Variants in RIPPLY2 observed in about 807,000 individuals in gnomAD.
RIPPLY2 encodes the protein ripply transcriptional repressor 2.
Under a neutral mutation model 17.7 loss-of-function variants are expected in RIPPLY2, and 20 were observed. That is an observed-to-expected ratio of 1.13 (90% CI 0.79 to 1.64). RIPPLY2 has a LOEUF of 1.64. Among genes scored for constraint, RIPPLY2 ranks in the 40% most tolerant of loss-of-function variants. RIPPLY2 has a pLI of 0.00. For missense variants in RIPPLY2, 213 were observed against 169.8 expected (o/e 1.25, Z -1.41); for synonymous variants, 69 against 63.9 (o/e 1.08, Z -0.38).
chr6:83,854,027 T>A, intron 2 of RIPPLY2, 70 bp from the exon 3 acceptor site: 1 of 1,431,118 alleles, frequency 7.0e-7, no homozygotes, highest in Non-Finnish European at 9.9e-7. Context: ...CGAGGAACAC[T>A]GGGTCGTGCA....
intron 1 of RIPPLY2, 73 bp downstream of exon 1, chr6:83,853,584 C>T: frequency 6.5e-7 from 1 of 1,535,192 alleles, no homozygotes; most frequent in Non-Finnish European, 8.7e-7. Context: ...CCAGCTCCTC[C>T]CCTCCAACTC....
At chr6:83,855,753 G>C (rs2099454897) in intron 3 of RIPPLY2, 1 of 152,230 alleles carries the variant, frequency 6.6e-6, no homozygotes, top group Non-Finnish European at 1.5e-5. Context: ...AATCATGACA[G>C]TGGGCCAGGT....
Position 83,854,111 on chromosome 6 carries a change from TG to T in RIPPLY2, c.191del (p.Gly64GlufsTer2). On this transcript the variant is annotated frameshift_variant, in exon 3 of 4. Coordinates refer to ENST00000369689, the MANE Select transcript of RIPPLY2 (RefSeq NM_001009994.3). LOFTEE classifies it high-confidence loss of function. The part of the protein sequence containing the change: ...HAAEAMPDGP[G>X]MTAASGKLYQ... ...TTCCTCTCCAGATGCCCGATGGCCC[TG>T]GAATGACCGCAGCCTCAGGAAAGCT... The T allele has an allele frequency of 6.2e-7, 1 of 1,614,100 alleles. No individual in the cohort carries two copies. The highest frequency in any genetic ancestry group is 8.5e-7 in the Non-Finnish European group (1 of 1,179,998).
chr6:83,853,855 G>A (rs1414899161), intron 2 of RIPPLY2, 82 bp downstream of exon 2: 1 of 1,228,486 alleles, frequency 8.1e-7, no homozygotes, highest in Non-Finnish European at 1.2e-6. Context: ...GGGCCTGAGA[G>A]AGACATGCGA....
At position 83,853,934 on chromosome 6, in the gene RIPPLY2, T is replaced by C. The variant is rs568923174; in HGVS notation, c.174+161T>C. ...GCCATAAAGGTGCCGACGCGGCGGA[T>C]GTGTCCTCTGGAGCGATGGGCCACA... On this transcript the variant is annotated intron_variant, in intron 2 of 3. Coordinates refer to ENST00000369689, the MANE Select transcript of RIPPLY2 (RefSeq NM_001009994.3). 2.6e-4 allele frequency: 253 copies of C among 979,766 alleles called. 1 individual carries two copies. The African/African-American group carries it at 3.5e-3, about 14-fold the overall frequency. The allele number at this position is 979,766 out of a possible 1,614,324, so 60.7% of individuals were successfully genotyped here. A position where few individuals can be genotyped will look rare whatever the true frequency, so the allele number is the denominator to read the frequency against.
chr6:83,856,757 A>G (rs1024557206), intron 3 of RIPPLY2: 8 of 152,108 alleles, frequency 5.3e-5, no homozygotes, highest in African/African-American at 1.2e-4. Context: ...TAAGAGTTAA[A>G]TCTGTGAGTT....
rs750611873 is a variant in RIPPLY2, at chr6:83,853,715, C to A, written c.116C>A (p.Pro39His). ...CGCAGATACGCAGGCTTCTGGAGAC[C>A]CTGGGTGGACGCCGGAGGCAAGAAA... ...ADSGYAGFWR[P>H]WVDAGGKKEE... The change falls in exon 2 of 4, where the codon CCC becomes CAC. Residue 39 changes from proline (P) to histidine (H), a missense_variant. Physicochemically the swap from Pro to His is moderately conservative, Grantham distance 77. Coordinates refer to ENST00000369689, the MANE Select transcript of RIPPLY2 (RefSeq NM_001009994.3). 1 of 1,613,786 alleles carries A rather than the reference C, an allele frequency of 6.2e-7. No homozygotes were observed. Among genetic ancestry groups the A allele is most frequent in the Admixed American group, 1.7e-5 (1 of 60,020 alleles).
At chr6:83,855,557 G>C (rs2099454867) in intron 3 of RIPPLY2, 1 of 152,226 alleles carries the variant, frequency 6.6e-6, no homozygotes, top group African/African-American at 2.4e-5. Context: ...ATGTAAATTA[G>C]GGCCGAAAAC....
At chr6:83,856,823 A>G (rs1315292611) in intron 3 of RIPPLY2, 1 of 152,192 alleles carries the variant, frequency 6.6e-6, no homozygotes, top group Non-Finnish European at 1.5e-5. Context: ...ATATTTTGTC[A>G]TCTTTATAAA....
chr6:83,854,397 G>T (rs1285309847), intron 3 of RIPPLY2: 1 of 562,686 alleles, frequency 1.8e-6, no homozygotes, highest in Non-Finnish European at 3.2e-6. Flanking sequence ...AATATATTAC[G>T]AAGAGGGAAA....
In RIPPLY2 at chr6:83,853,375, C is replaced by T. The variant is rs1249556061; in HGVS notation, c.-42C>T. The T allele has an allele frequency of 4.0e-6, 6 of 1,508,592 alleles. No homozygotes were observed. In the African/African-American group the frequency reaches 8.4e-5, roughly 21 times the overall value. The allele number at this position is 1,508,592 out of a possible 1,614,324, so 93.5% of individuals were successfully genotyped here. ...GACCTACTGGAACTGGTCAAGATTG[C>T]CCGCGAGCTGGCAGCGGCCTTCCGC... is the stretch of plus-strand genomic sequence containing the variant. On this transcript the variant is annotated 5_prime_UTR_variant, in exon 1 of 4. Transcript: ENST00000369689.
intron 3 of RIPPLY2, chr6:83,855,667 G>A (rs901332860): frequency 6.6e-6 from 1 of 152,202 alleles, no homozygotes; most frequent in African/African-American, 2.4e-5. Flanking sequence ...AACTGCGTAC[G>A]TAAGTTAGGG....
intron 3 of RIPPLY2, chr6:83,855,438 A>G (rs1311964234): frequency 2.6e-5 from 4 of 152,246 alleles, no homozygotes; most frequent in Non-Finnish European, 4.4e-5. Flanking sequence ...GAATGACAAA[A>G]TAGATTAGGC....
rs544586818 is a variant in RIPPLY2 at position 83,854,171 on chromosome 6, A to G, written c.239+10A>G. 25 of 1,612,494 alleles carry G rather than the reference A, an allele frequency of 1.6e-5. No individual in the cohort carries two copies. The South Asian group carries it at 2.5e-4, about 16-fold the overall frequency. ...TCAGGCACCCAGTCAGGTGAGTGACAGGCCTCGCCGAAGGTCTCCCGCTCC... is the reference window on the plus strand; with the variant it reads ...TCAGGCACCCAGTCAGGTGAGTGACGGGCCTCGCCGAAGGTCTCCCGCTCC... On this transcript the variant is annotated intron_variant, in intron 3 of 3. Coordinates refer to ENST00000369689, the MANE Select transcript of RIPPLY2 (RefSeq NM_001009994.3).
At chr6:83,855,357 T>G (rs1303799204) in intron 3 of RIPPLY2, 2 of 152,130 alleles carry the variant, frequency 1.3e-5, no homozygotes, top group East Asian at 1.9e-4. Context: ...ATTTTTCAGG[T>G]AAGAAATAAT....
chr6:83,853,447 G>A lies in RIPPLY2; in HGVS notation c.31G>A (p.Glu11Lys), dbSNP rs911111194. 7 of 1,544,108 alleles carry A rather than the reference G, an allele frequency of 4.5e-6. No homozygotes were observed. In the South Asian group the frequency reaches 6.0e-5, roughly 13 times the overall value. ...GAACGCGGGAGGCGCAGAGGGTACA[G>A]AGAGTGGAGCTGCGGCGTGCGCGGC... is the stretch of plus-strand genomic sequence containing the variant. Reference protein sequence around the residue: MENAGGAEGTESGAAACAATD... With the variant: MENAGGAEGTKSGAAACAATD... The change falls in exon 1 of 4, where the codon GAG (glutamate) becomes AAG (lysine). Residue 11 changes from glutamate (E) to lysine (K), a missense_variant. Transcript: ENST00000369689.
At chr6:83,853,276 G>A (rs2129124309), upstream of RIPPLY2, 4 of 648,508 alleles carry the variant, frequency 6.2e-6, no homozygotes, top group Middle Eastern at 4.2e-4. Flanking sequence ...GCGGCTAGCA[G>A]GGAGAGGGGC....
chr6:83,854,028 G>A, intron 2 of RIPPLY2, 69 bp from the exon 3 acceptor site: 7 of 1,423,492 alleles, frequency 4.9e-6, no homozygotes, highest in Non-Finnish European at 6.0e-6. Context: ...GAGGAACACT[G>A]GGTCGTGCAC....
intron 1 of RIPPLY2, 69 bp downstream of exon 1, chr6:83,853,580 C>T: frequency 6.5e-7 from 1 of 1,535,204 alleles, no homozygotes; most frequent in Non-Finnish European, 8.7e-7. Flanking sequence ...CTCCCCAGCT[C>T]CTCCCCTCCA....
Sources: gnomAD v4.1 joint callset for allele counts on GRCh38, gnomAD v4.1.1 for gene constraint, MANE v1.5 for transcripts, NCBI Gene and HGNC (gene_info 2026-07-23, HGNC 2026-07-21) for gene names.